The following SH3YL1 variants were observed in gnomAD, a reference collection of about 807,000 sequenced individuals.
The protein encoded by SH3YL1 is SH3 and SYLF domain containing 1.
Under a neutral mutation model 45.8 loss-of-function variants are expected in SH3YL1, and 41 were observed. The observed-to-expected ratio is 0.89, with a 90% CI of 0.70 to 1.16. The LOEUF (loss-of-function observed/expected upper bound fraction) is 1.16, where lower values mean the gene tolerates loss of function less well. Ranked by LOEUF, SH3YL1 falls within the 50% of genes most tolerant of loss-of-function variation. The pLI is 0.00. For synonymous variants in SH3YL1, 152 were observed against 151.4 expected, an observed-to-expected ratio of 1.00 and a Z score of -0.03; for missense variants, 389 against 409.6, an observed-to-expected ratio of 0.95 and a Z score of 0.43.
At chr2:235,029 C>T (rs113501050) in intron 4 of SH3YL1, among the ~76,000 whole-genome samples, 6 of 152,286 alleles carry the variant, frequency 3.9e-5, no homozygotes, top group African/African-American at 1.4e-4. Flanking sequence ...AGGCACGTCA[C>T]CATGTCCGGC....
Position 248,859 on chromosome 2 carries a change from T to C in SH3YL1, c.226+872A>G, listed in dbSNP as rs529838339. Among the ~76,000 whole-genome samples the C allele has an allele frequency of 3.5e-4, 54 of 152,300 alleles. No homozygotes were observed. In the South Asian group the frequency reaches 0.01, roughly 29 times the overall value. ...TTCTTCTCATTTTCAAAGCCACACA[T>C]TGAGCTATGAAAACTGATCCACATA... On this transcript the variant is annotated intron_variant, in intron 3 of 9. Coordinates refer to ENST00000356150, the MANE Select transcript of SH3YL1 (RefSeq NM_015677.4).
chr2:221,027 A>G (rs1667546915), intron 9 of SH3YL1, among the ~76,000 whole-genome samples: 2 of 127,440 alleles, frequency 1.6e-5, no homozygotes, highest in Non-Finnish European at 3.5e-5. Context: ...GCCACCGCGA[A>G]CTGCTCAGGC....
intron 1 of SH3YL1, among the ~76,000 whole-genome samples, chr2:261,777 A>G (rs917293895): frequency 3.3e-5 from 5 of 152,182 alleles, no homozygotes; most frequent in Non-Finnish European, 7.4e-5. Context: ...AAGAAGACCC[A>G]AGGGCCCCTC....
At position 223,375 on chromosome 2, in the gene SH3YL1, G is replaced by A. The variant is rs11682301; in HGVS notation, c.838+1489C>T. On this transcript the variant is annotated intron_variant, in intron 9 of 9. Coordinates refer to ENST00000356150, the MANE Select transcript of SH3YL1 (RefSeq NM_015677.4). ...GATCTGTGGCCTCAGCTCTTTTTCAGCCAGCTTCCCTCAGCTCTGTCTCTC... is the reference window on the plus strand; with the variant it reads ...GATCTGTGGCCTCAGCTCTTTTTCAACCAGCTTCCCTCAGCTCTGTCTCTC... Among the ~76,000 whole-genome samples, 709 of 152,216 alleles carry A rather than the reference G, an allele frequency of 4.7e-3. 9 individuals carry two copies. Among genetic ancestry groups the A allele is most frequent in the African/African-American group, 0.016 (678 of 41,532 alleles).
At chr2:262,612 T>G (rs1669630392) in intron 1 of SH3YL1, 11 of 1,304,138 alleles carry the variant, frequency 8.4e-6, no homozygotes, top group Non-Finnish European at 1.1e-5. Flanking sequence ...GAATTTTGTC[T>G]TATCATGACG....
In SH3YL1 at chr2:231,115, A is replaced by G. The variant is rs368606057; in HGVS notation, c.610T>C (p.Tyr204His). Residue 204 changes from tyrosine (Y) to histidine (H), a missense_variant, in exon 7 of 10, where the codon TAT becomes CAT. Tyr to His is a moderately conservative substitution (Grantham distance 83). Coordinates refer to ENST00000356150, the MANE Select transcript of SH3YL1 (RefSeq NM_015677.4). Reference protein sequence around the residue: ...TPRPAQAEDLYEILDSFTEKY... With the variant: ...TPRPAQAEDLHEILDSFTEKY... ...TCAGTAAAGGAATCAAGAATTTCATAAAGATCTTCGGCTTGAGCAGGCCGC... is the reference window on the plus strand; with the variant it reads ...TCAGTAAAGGAATCAAGAATTTCATGAAGATCTTCGGCTTGAGCAGGCCGC... The G allele has an allele frequency of 1.9e-4, 310 of 1,614,008 alleles. No individual in the cohort carries two copies. The highest frequency in any genetic ancestry group is 2.5e-4 in the Non-Finnish European group (299 of 1,179,988).
intron 3 of SH3YL1, among the ~76,000 whole-genome samples, chr2:249,051 G>A (rs1225305563): frequency 6.6e-6 from 1 of 152,150 alleles, no homozygotes; most frequent in African/African-American, 2.4e-5. Context: ...CTAAAAAACT[G>A]CTACTAATAG....
At chr2:239,212 CTT>C (rs1668437626) in intron 4 of SH3YL1, among the ~76,000 whole-genome samples, 1 of 152,188 alleles carries the variant, frequency 6.6e-6, no homozygotes, top group African/African-American at 2.4e-5. Context: ...AGACTGCAAT[CTT>C]TTTCCACCAG....
intron 2 of SH3YL1, among the ~76,000 whole-genome samples, chr2:250,642 A>G (rs13033751): frequency 6.6e-6 from 1 of 152,232 alleles, no homozygotes; most frequent in Non-Finnish European, 1.5e-5. Context: ...TATTATTTTT[A>G]TCAAATATTC....
At chr2:254,655 G>A (rs919058579) in intron 1 of SH3YL1, among the ~76,000 whole-genome samples, 1 of 152,148 alleles carries the variant, frequency 6.6e-6, no homozygotes, top group Admixed American at 6.5e-5. Flanking sequence ...GTCAAGCTGG[G>A]AACTCTGTGA....
chr2:251,801 C>A (rs1302230440), intron 2 of SH3YL1, among the ~76,000 whole-genome samples: 1 of 152,170 alleles, frequency 6.6e-6, no homozygotes, highest in Admixed American at 6.5e-5. Flanking sequence ...AATGCAACAA[C>A]AATTAATATC....
chr2:263,995 C>A lies in SH3YL1; in HGVS notation c.-11G>T, dbSNP rs528746095. ...CCCCGGGTACTCACTGCTGCCCGCC[C>A]GGCCGCGGCGCCCCGTCCCGAGGCT... On this transcript the variant is annotated 5_prime_UTR_variant, in exon 1 of 10. Transcript: ENST00000356150. The A allele has an allele frequency of 6.9e-7, 1 of 1,455,060 alleles. No homozygotes were observed. Among genetic ancestry groups the A allele is most frequent in the South Asian group, 1.4e-5 (1 of 73,658 alleles). 90.1% of individuals were successfully genotyped at this position (1,455,060 alleles called of 1,614,324 possible).
At chr2:254,575 C>T (rs1296425408) in intron 1 of SH3YL1, among the ~76,000 whole-genome samples, 1 of 152,138 alleles carries the variant, frequency 6.6e-6, no homozygotes, top group Non-Finnish European at 1.5e-5. Context: ...ATGAAGTACG[C>T]TAATGGAAGC....
rs1392527852 is a variant in SH3YL1, at chr2:218,780, G to T, written c.*31C>A. 1.3e-6 allele frequency: 2 copies of T among 1,500,932 alleles called. No homozygotes were observed. Among genetic ancestry groups the T allele is most frequent in the Non-Finnish European group, 1.8e-6 (2 of 1,115,730 alleles). The allele number at this position is 1,500,932 out of a possible 1,614,324, so 93.0% of individuals were successfully genotyped here. ...CTGTCAGTGTAGAAATAATTTTTTT[G>T]TAATTCTCAAAGAAGAAAATAGTAT... On this transcript the variant is annotated 3_prime_UTR_variant, in exon 10 of 10. Transcript: ENST00000356150.
intron 8 of SH3YL1, among the ~76,000 whole-genome samples, chr2:226,743 A>G (rs1440287580): frequency 6.6e-6 from 1 of 151,834 alleles, no homozygotes. Context: ...AGACTTGGGA[A>G]TGTTATTGGG....
intron 4 of SH3YL1, chr2:240,411 G>A (rs757518863): frequency 6.6e-6 from 1 of 152,266 alleles, no homozygotes; most frequent in Non-Finnish European, 1.5e-5. Context: ...GAAAGCTTTT[G>A]GAACACAGGG....
At chr2:230,112 C>G (rs1221511915) in intron 7 of SH3YL1, 68 bp from the exon 8 acceptor site, 1 of 1,244,408 alleles carries the variant, frequency 8.0e-7, no homozygotes, top group African/African-American at 1.5e-5. Flanking sequence ...ACATATAACT[C>G]TTTTCTAATG....
intron 1 of SH3YL1, chr2:259,991 A>G (rs942535516): frequency 6.6e-6 from 1 of 152,114 alleles, no homozygotes; most frequent in African/African-American, 2.4e-5. Flanking sequence ...ATCAGCAATT[A>G]TTTGTACAAC....
intron 4 of SH3YL1, among the ~76,000 whole-genome samples, chr2:245,966 T>C (rs955975528): frequency 2.0e-5 from 3 of 152,056 alleles, no homozygotes; most frequent in African/African-American, 4.8e-5. Context: ...GAGGCCGAGG[T>C]GGGCGGATCA....
Sources: allele counts gnomAD v4.1 joint callset (sites outside exome capture counted in the v4.1 genomes callset), GRCh38; gene constraint gnomAD v4.1.1; transcripts MANE v1.5; gene names NCBI Gene and HGNC (gene_info 2026-07-23, HGNC 2026-07-21).